Variants in ABCC9 observed in about 807,000 individuals in gnomAD.
The protein encoded by ABCC9 is ATP-binding cassette sub-family C member 9.
A neutral mutation model predicts 188.3 loss-of-function variants in ABCC9; 95 were observed. The ratio of observed to expected loss-of-function variants is 0.50; its 90% CI spans 0.43 to 0.60. ABCC9 has a LOEUF of 0.60. Ranked by LOEUF, ABCC9 falls within the 20% of genes least tolerant of loss-of-function variation. The probability of loss-of-function intolerance (pLI) is 0.00; values close to 1 mark genes in which losing one functional copy is unlikely to be tolerated. For missense variants in ABCC9, 1,102 were observed against 1,876.3 expected (o/e 0.59, Z 7.62); for synonymous variants, 659 against 652.7 (o/e 1.01, Z -0.15).
chr12:21,888,729 C>T (rs1281457220), intron 14 of ABCC9, among the ~76,000 whole-genome samples: 2 of 152,074 alleles, frequency 1.3e-5, no homozygotes, highest in Non-Finnish European at 2.9e-5. Context: ...ATCTACTCTA[C>T]CCATTCTAAT....
intron 12 of ABCC9, among the ~76,000 whole-genome samples, chr12:21,903,893 C>G (rs1246881198): frequency 1.3e-5 from 2 of 152,214 alleles, no homozygotes; most frequent in Admixed American, 1.3e-4. Context: ...CCCCATCAAG[C>G]TACCAATGAC....
In ABCC9 at chr12:21,903,374, C is replaced by G. The variant is rs1299408796; in HGVS notation, c.1618+2752G>C. 3.3e-5 allele frequency among the ~76,000 whole-genome samples: 5 copies of G among 152,174 alleles called. No homozygotes were observed. In the East Asian group the frequency reaches 9.6e-4, roughly 29 times the overall value. On this transcript the variant is annotated intron_variant, in intron 12 of 39. Transcript: ENST00000261200. ...ATTCCCTTTGAAAACTGGCACAAGACAGGGATGCCCTCTCTCATCACTCCT... is the reference window on the plus strand; with the variant it reads ...ATTCCCTTTGAAAACTGGCACAAGAGAGGGATGCCCTCTCTCATCACTCCT...
Position 21,933,842 on chromosome 12 carries a change from A to G in ABCC9, c.224T>C (p.Leu75Pro). 1 of 1,613,748 alleles carries G rather than the reference A, an allele frequency of 6.2e-7. No individual in the cohort carries two copies. Among genetic ancestry groups the G allele is most frequent in the Non-Finnish European group, 8.5e-7 (1 of 1,179,722 alleles). ...ATGCACAAACAGGAGAGCGAATGTA[A>G]GAATCCATCTCAGGTTATGTCCCGG... ...HFPGHNLRWI[L>P]TFALLFVHVC... The change falls in exon 4 of 40, where the codon CTT (leucine) becomes CCT (proline). Residue 75 changes from leucine (L) to proline (P), a missense_variant. Physicochemically the swap from Leu to Pro is moderately conservative, Grantham distance 98. This residue lies in a region of ABCC9 where 305 missense variants were observed against 573.0 expected (regional missense o/e 0.53). Coordinates refer to ENST00000261200, the MANE Select transcript of ABCC9 (RefSeq NM_020297.4).
intron 30 of ABCC9, among the ~76,000 whole-genome samples, chr12:21,834,149 T>A (rs1245729444): frequency 6.6e-6 from 1 of 152,204 alleles, no homozygotes; most frequent in Non-Finnish European, 1.5e-5. Context: ...TTTAATTCCT[T>A]TTTATTCTTC....
chr12:21,875,009 A>T (rs1030884479), intron 17 of ABCC9, among the ~76,000 whole-genome samples: 2 of 152,200 alleles, frequency 1.3e-5, no homozygotes, highest in Non-Finnish European at 2.9e-5. Context: ...ACGATTAACA[A>T]TATAGTACTG....
At chr12:21,827,527 AACAC>A (rs199954253) in intron 31 of ABCC9, 12,079 of 142,534 alleles carry the variant, frequency 0.085, 562 homozygotes, top group Admixed American at 0.14. Flanking sequence ...CTTATAGAAC[AACAC>A]ACACACACAC....
chr12:21,876,265 T>C (rs565081633), intron 16 of ABCC9, among the ~76,000 whole-genome samples: 1 of 152,300 alleles, frequency 6.6e-6, no homozygotes, highest in South Asian at 2.1e-4. Context: ...CCAGATAGTT[T>C]ACATATGGAC....
chr12:21,864,526 A>G lies in ABCC9; in HGVS notation c.2199-49T>C, dbSNP rs780778482. On this transcript the variant is annotated intron_variant, in intron 18 of 39. Transcript: ENST00000261200. ...CATTAATTATGAAGTAGAAATATAG[A>G]ACCAATGTGCATACACGTCAGGTAA... The G allele has an allele frequency of 4.8e-5, 63 of 1,314,474 alleles. 1 individual carries two copies. The South Asian group carries it at 7.2e-4, about 15-fold the overall frequency. The allele number at this position is 1,314,474 out of a possible 1,614,324, so 81.4% of individuals were successfully genotyped here.
At chr12:21,850,976 G>C (rs1282764127) in intron 24 of ABCC9, among the ~76,000 whole-genome samples, 1 of 151,788 alleles carries the variant, frequency 6.6e-6, no homozygotes, top group Non-Finnish European at 1.5e-5. Flanking sequence ...TCTTTGTGTG[G>C]TTTGCTTTTG....
chr12:21,821,573 CAGT>C (rs1342218315), intron 31 of ABCC9, among the ~76,000 whole-genome samples: 1 of 152,002 alleles, frequency 6.6e-6, no homozygotes, highest in African/African-American at 2.4e-5. Flanking sequence ...GGAAATTAAA[CAGT>C]AGGAGTAATA....
At chr12:21,882,011 T>C (rs1946644322) in intron 16 of ABCC9, among the ~76,000 whole-genome samples, 1 of 152,106 alleles carries the variant, frequency 6.6e-6, no homozygotes, top group Non-Finnish European at 1.5e-5. Context: ...TGGTAAGGTA[T>C]TGTGTCAGGT....
chr12:21,831,725 G>A (rs772276251), intron 30 of ABCC9, among the ~76,000 whole-genome samples: 1 of 152,150 alleles, frequency 6.6e-6, no homozygotes, highest in Admixed American at 6.5e-5. Flanking sequence ...GGCATTCTAC[G>A]CAGCAGGAAC....
rs150242548 is a variant in ABCC9 at position 21,834,602 on chromosome 12, G to A, written c.3566+3476C>T. On this transcript the variant is annotated intron_variant, in intron 30 of 39. Transcript: ENST00000261200. Reference sequence around the variant, plus strand: ...GCCTCTAGGGAGGCGAAGTGCTTGGGTGCTGGCCTCTCCTATCTGGATATA... The same window carrying A: ...GCCTCTAGGGAGGCGAAGTGCTTGGATGCTGGCCTCTCCTATCTGGATATA... Among the ~76,000 whole-genome samples the A allele has an allele frequency of 5.0e-3, 765 of 152,030 alleles. 3 individuals carry two copies. The highest frequency in any genetic ancestry group is 7.0e-3 in the Non-Finnish European group (477 of 67,988).
intron 7 of ABCC9, among the ~76,000 whole-genome samples, chr12:21,915,263 ATATAATGTGTATATATATGTGTG>A (rs1215071690): frequency 2.0e-5 from 2 of 101,892 alleles, no homozygotes; most frequent in Non-Finnish European, 1.9e-5. Flanking sequence ...GTGTGTGTGT[ATATAATGTGTATATATATGTGTG>A]TATATATACA....
intron 2 of ABCC9, among the ~76,000 whole-genome samples, chr12:21,937,660 T>C (rs1397846740): frequency 6.6e-6 from 1 of 152,212 alleles, no homozygotes; most frequent in East Asian, 1.9e-4. Flanking sequence ...TGAAAACTTA[T>C]TTTATAATGC....
chr12:21,818,711 C>T (rs1373140175), intron 31 of ABCC9, among the ~76,000 whole-genome samples: 1 of 147,916 alleles, frequency 6.8e-6, no homozygotes, highest in Non-Finnish European at 1.5e-5. Flanking sequence ...TATTTTTGGA[C>T]CCGGTTTTCT....
intron 39 of ABCC9, among the ~76,000 whole-genome samples, chr12:21,804,125 G>A (rs974924246): frequency 6.6e-6 from 1 of 152,096 alleles, no homozygotes; most frequent in African/African-American, 2.4e-5. Flanking sequence ...GTGGGAGCAG[G>A]GAATTCTAGG....
intron 30 of ABCC9, among the ~76,000 whole-genome samples, chr12:21,835,883 A>C (rs1265348746): frequency 1.3e-5 from 2 of 152,172 alleles, no homozygotes; most frequent in African/African-American, 4.8e-5. Context: ...CTACCTGTAC[A>C]TGTTCATAAC....
At chr12:21,891,157 TCA>T (rs1387412978) in intron 14 of ABCC9, among the ~76,000 whole-genome samples, 1 of 152,106 alleles carries the variant, frequency 6.6e-6, no homozygotes, top group Non-Finnish European at 1.5e-5. Context: ...CCTGCAGATT[TCA>T]GTCTTTTATC....
Sources: gnomAD v4.1 joint callset for allele counts (sites outside exome capture counted in the v4.1 genomes callset) on GRCh38, gnomAD v4.1.1 for gene constraint, gnomAD v4.1.1 regional missense constraint, MANE v1.5 for transcripts, NCBI Gene and HGNC (gene_info 2026-07-23, HGNC 2026-07-21) for gene names.